The following MAGI3 variants were observed in gnomAD, a reference collection of about 807,000 sequenced individuals.
The protein encoded by MAGI3 is membrane associated guanylate kinase, WW and PDZ domain containing 3.
A neutral mutation model predicts 121.8 loss-of-function variants in MAGI3; 43 were observed. The observed-to-expected ratio is 0.35, with a 90% CI of 0.28 to 0.46. MAGI3 has a LOEUF of 0.46. MAGI3 is among the 20% of genes least tolerant of loss of function. The probability of loss-of-function intolerance (pLI) is 1.00; values close to 1 mark genes in which losing one functional copy is unlikely to be tolerated. For synonymous variants in MAGI3, 553 were observed against 639.3 expected (o/e 0.86, Z 2.04); for missense variants, 1,547 against 1,797.3 (o/e 0.86, Z 2.52).
chr1:113,652,041 T>C (rs960555181), intron 14 of MAGI3, among the ~76,000 whole-genome samples: 1 of 152,196 alleles, frequency 6.6e-6, no homozygotes, highest in African/African-American at 2.4e-5. Context: ...GTTCTATGAT[T>C]ACTCAGAGAA....
At chr1:113,512,249 T>G (rs1042393210) in intron 1 of MAGI3, among the ~76,000 whole-genome samples, 2 of 152,222 alleles carry the variant, frequency 1.3e-5, no homozygotes, top group African/African-American at 2.4e-5. Context: ...ATACAAAGAC[T>G]GATGTTTAAG....
In MAGI3 at chr1:113,391,418, C is replaced by A; in HGVS notation, c.316+69C>A. On this transcript the variant is annotated intron_variant, in intron 1 of 20. Coordinates refer to ENST00000307546, the MANE Select transcript of MAGI3 (RefSeq NM_001142782.2). This position sits in a 1 kb window ranked among gnomAD's most constrained non-coding sequence, Gnocchi z 4.4. ...GGCTTCAGGGTGGGCGTCCTGGGAG[C>A]GGCGGCACCTCCCCACCGCGTATTG... The A allele has an allele frequency of 6.7e-7, 1 of 1,493,284 alleles. No individual in the cohort carries two copies. The highest frequency in any genetic ancestry group is 1.2e-5 in the South Asian group (1 of 81,908). The allele number at this position is 1,493,284 out of a possible 1,614,324, so 92.5% of individuals were successfully genotyped here.
At chr1:113,663,117 C>T (rs1466622964) in intron 16 of MAGI3, among the ~76,000 whole-genome samples, 1 of 151,792 alleles carries the variant, frequency 6.6e-6, no homozygotes, top group African/African-American at 2.4e-5. Context: ...CCCAGCTACT[C>T]GGGAGGCTGA....
intron 1 of MAGI3, among the ~76,000 whole-genome samples, chr1:113,508,834 A>G (rs541247380): frequency 6.6e-6 from 1 of 151,962 alleles, no homozygotes; most frequent in African/African-American, 2.4e-5. Context: ...GATTTTTTTA[A>G]AAAAAAAACT....
In MAGI3 at chr1:113,646,654, T is replaced by G; in HGVS notation, c.2155+12T>G. ...ATATGAAGATAAACGTAAGTAGTTG[T>G]GGAATATTTCAGGAGAGCATATAAC... On this transcript the variant is annotated intron_variant, in intron 12 of 20. Transcript: ENST00000307546. The G allele has an allele frequency of 1.3e-6, 2 of 1,576,360 alleles. No individual in the cohort carries two copies. Among genetic ancestry groups the G allele is most frequent in the Non-Finnish European group, 1.7e-6 (2 of 1,160,718 alleles).
chr1:113,432,634 G>C (rs1024362768), intron 1 of MAGI3, among the ~76,000 whole-genome samples: 2 of 151,588 alleles, frequency 1.3e-5, no homozygotes, highest in Non-Finnish European at 2.9e-5. Flanking sequence ...GGGACTATAG[G>C]CTGTTTCTTT....
chr1:113,560,644 A>G (rs1660196555), intron 2 of MAGI3, among the ~76,000 whole-genome samples: 2 of 152,146 alleles, frequency 1.3e-5, no homozygotes, highest in Admixed American at 1.3e-4. Context: ...TTATAGTACT[A>G]AATGTCCACA....
At chr1:113,618,393 CTATT>C in intron 7 of MAGI3, 1 of 318,526 alleles carries the variant, frequency 3.1e-6, no homozygotes, top group Non-Finnish European at 6.0e-6. Flanking sequence ...ACTTGTGTGA[CTATT>C]TATATGTACA....
intron 2 of MAGI3, among the ~76,000 whole-genome samples, chr1:113,567,680 A>G (rs1016631966): frequency 1.3e-5 from 2 of 152,084 alleles, no homozygotes; most frequent in Non-Finnish European, 2.9e-5. Context: ...TCAGTACCCT[A>G]TCAGGATTTT....
intron 17 of MAGI3, 36 bp from the exon 18 acceptor site, chr1:113,672,579 C>A: frequency 6.3e-7 from 1 of 1,581,836 alleles, no homozygotes; most frequent in Non-Finnish European, 8.6e-7. Context: ...TTCATTTTCT[C>A]AGTTCAGAGA....
chr1:113,642,887 G>T (rs942681785), intron 10 of MAGI3, among the ~76,000 whole-genome samples: 4 of 152,154 alleles, frequency 2.6e-5, no homozygotes, highest in Non-Finnish European at 4.4e-5. Flanking sequence ...CCAATGGTGT[G>T]TCATCTGGAC....
At chr1:113,550,635 A>C (rs147606482) in intron 2 of MAGI3, among the ~76,000 whole-genome samples, 1 of 151,420 alleles carries the variant, frequency 6.6e-6, no homozygotes, top group Non-Finnish European at 1.5e-5. Context: ...AGGCGCCTGT[A>C]ATCTCAGCTA....
At chr1:113,516,435 A>G (rs1196053213) in intron 1 of MAGI3, among the ~76,000 whole-genome samples, 1 of 150,820 alleles carries the variant, frequency 6.6e-6, no homozygotes, top group Non-Finnish European at 1.5e-5. Flanking sequence ...CCCCACAATT[A>G]TAAGAGTATG....
intron 1 of MAGI3, among the ~76,000 whole-genome samples, chr1:113,534,414 T>C (rs1658868844): frequency 6.6e-6 from 1 of 152,174 alleles, no homozygotes; most frequent in Non-Finnish European, 1.5e-5. Context: ...ATATAATCCC[T>C]TGCGGCCTTG....
At chr1:113,603,413 T>C (rs981183346) in intron 6 of MAGI3, among the ~76,000 whole-genome samples, 7 of 152,094 alleles carry the variant, frequency 4.6e-5, no homozygotes, top group African/African-American at 1.7e-4. Context: ...ACAGCCAAAT[T>C]CTACCAGACA....
At chr1:113,595,524 T>C (rs530275708) in intron 6 of MAGI3, among the ~76,000 whole-genome samples, 6 of 111,322 alleles carry the variant, frequency 5.4e-5, no homozygotes, top group Admixed American at 1.6e-4. Context: ...GTCCAATCTA[T>C]AAAAAGAAAT....
chr1:113,495,399 G>T (rs1360355294), intron 1 of MAGI3, among the ~76,000 whole-genome samples: 1 of 150,658 alleles, frequency 6.6e-6, no homozygotes, highest in Admixed American at 6.6e-5. Context: ...CGGGGAATGG[G>T]TGTTGTTTGG....
intron 1 of MAGI3, among the ~76,000 whole-genome samples, chr1:113,478,226 T>A (rs1370670508): frequency 1.3e-5 from 2 of 152,212 alleles, no homozygotes; most frequent in Middle Eastern, 3.2e-3. Context: ...GAAGCCTACT[T>A]TTGTCAACTT....
intron 1 of MAGI3, among the ~76,000 whole-genome samples, chr1:113,547,038 G>A (rs990584348): frequency 3.4e-5 from 5 of 148,888 alleles, no homozygotes; most frequent in African/African-American, 1.2e-4. Context: ...AGCCAAGATT[G>A]TGCCACTGCA....
Sources: gnomAD v4.1 joint callset for allele counts (sites outside exome capture counted in the v4.1 genomes callset) on GRCh38, gnomAD v4.1.1 for gene constraint, Gnocchi (gnomAD v3.1) non-coding constraint, MANE v1.5 for transcripts, NCBI Gene and HGNC (gene_info 2026-07-23, HGNC 2026-07-21) for gene names.